The following FRAS1 variants were observed in gnomAD, a reference collection of about 807,000 sequenced individuals.
The protein encoded by FRAS1 is extracellular matrix organizing protein FRAS1.
FRAS1 carries 290 observed loss-of-function variants against 435.2 expected under a neutral mutation model. The observed-to-expected ratio is 0.67, with a 90% CI of 0.61 to 0.73. The LOEUF is 0.73. Ranked by LOEUF, FRAS1 falls within the 30% of genes least tolerant of loss-of-function variation. The pLI is 0.00. For missense variants in FRAS1, 4,860 were observed against 5,001.5 expected (o/e 0.97, Z 0.85); for synonymous variants, 1,800 against 1,851.0 (o/e 0.97, Z 0.71).
intron 2 of FRAS1, among the ~76,000 whole-genome samples, chr4:78,153,780 C>A (rs1184460981): frequency 6.6e-6 from 1 of 152,132 alleles, no homozygotes; most frequent in Non-Finnish European, 1.5e-5. Context: ...GCAGATTTTT[C>A]AGTGTTTCTT....
Position 78,534,628 on chromosome 4 carries a change from CTCCACCTGCA to C in FRAS1, c.11092+14_11092+23del. On this transcript the variant is annotated intron_variant, in intron 71 of 73. Coordinates refer to ENST00000512123, the MANE Select transcript of FRAS1 (RefSeq NM_025074.7). ...GCCTTTTCAAAAGGTGAGTTGCTTC[CTCCACCTGCA>C]GAAAGAGGCTCTGCCTGGATATGAG... 1 of 1,610,516 alleles carries C rather than the reference CTCCACCTGCA, an allele frequency of 6.2e-7. No homozygotes were observed. The highest frequency in any genetic ancestry group is 8.5e-7 in the Non-Finnish European group (1 of 1,177,808).
chr4:78,211,196 G>A (rs1367387914), intron 2 of FRAS1, among the ~76,000 whole-genome samples: 3 of 152,190 alleles, frequency 2.0e-5, no homozygotes, highest in Admixed American at 6.5e-5. Context: ...AGGACATGAA[G>A]GAAACTTCTG....
intron 40 of FRAS1, 91 bp from the exon 41 acceptor site, chr4:78,441,070 AG>A: frequency 7.7e-7 from 1 of 1,290,550 alleles, no homozygotes; most frequent in Non-Finnish European, 1.1e-6. Flanking sequence ...TGGTGCTAGA[AG>A]GTCACCCAGG....
chr4:78,424,840 G>A (rs184487640), intron 35 of FRAS1, among the ~76,000 whole-genome samples: 1 of 152,022 alleles, frequency 6.6e-6, no homozygotes, highest in Non-Finnish European at 1.5e-5. Context: ...CTACTCAGGA[G>A]GATCCCTTGA....
Position 78,511,409 on chromosome 4 carries a change from A to G in FRAS1, c.9916A>G (p.Thr3306Ala). Residue 3306 changes from threonine to alanine, a missense_variant, in exon 64 of 74, where the codon ACA becomes GCA. Coordinates refer to ENST00000512123, the MANE Select transcript of FRAS1 (RefSeq NM_025074.7). ...TGGAACAGACAGTGCTATCTGCCAC[A>G]CACCAGTGGTGGCTGGGACATCCAG... is the stretch of plus-strand genomic sequence containing the variant. ...TIGTDSAICH[T>A]PVVAGTSRGF... The G allele has an allele frequency of 6.2e-7, 1 of 1,613,924 alleles. No individual in the cohort carries two copies. Among genetic ancestry groups the G allele is most frequent in the Non-Finnish European group, 8.5e-7 (1 of 1,179,806 alleles).
At chr4:78,199,727 G>T (rs368408954) in intron 2 of FRAS1, among the ~76,000 whole-genome samples, 18 of 152,182 alleles carry the variant, frequency 1.2e-4, no homozygotes, top group African/African-American at 4.3e-4. Context: ...TGCTAACATT[G>T]ATTTGATTAA....
intron 18 of FRAS1, among the ~76,000 whole-genome samples, chr4:78,322,431 A>T (rs565565141): frequency 6.6e-6 from 1 of 152,266 alleles, no homozygotes; most frequent in East Asian, 1.9e-4. Context: ...GGTTTCTTTT[A>T]TAGCACCTTT....
At chr4:78,433,731 A>G (rs1015692696) in intron 38 of FRAS1, among the ~76,000 whole-genome samples, 1 of 152,130 alleles carries the variant, frequency 6.6e-6, no homozygotes, top group Non-Finnish European at 1.5e-5. Flanking sequence ...GGTTTTTTGA[A>G]TCTTATGAAA....
intron 34 of FRAS1, among the ~76,000 whole-genome samples, 163 bp from the exon 35 acceptor site, chr4:78,424,225 A>T (rs1018886431): frequency 1.3e-5 from 2 of 152,258 alleles, no homozygotes; most frequent in South Asian, 4.1e-4. Flanking sequence ...CATTAAATTC[A>T]ACATAACATT....
chr4:78,430,389 A>G lies in FRAS1; in HGVS notation c.4941A>G (p.Thr1647=). Residue 1647 remains threonine, a synonymous_variant, in exon 37 of 74, where the codon ACA becomes ACG. Coordinates refer to ENST00000512123, the MANE Select transcript of FRAS1 (RefSeq NM_025074.7). Reference sequence around the variant, plus strand: ...AGCATGGTGTGCTTCTTAAGCATACAGCTGAGTTCCGAAGGCCGATGGCCA... The same window carrying G: ...AGCATGGTGTGCTTCTTAAGCATACGGCTGAGTTCCGAAGGCCGATGGCCA... ...PPQHGVLLKH[T]AEFRRPMATG... 6.2e-7 allele frequency: 1 copy of G among 1,613,640 alleles called. No homozygotes were observed. Among genetic ancestry groups the G allele is most frequent in the Non-Finnish European group, 8.5e-7 (1 of 1,179,724 alleles).
In FRAS1 at chr4:78,479,601, G is replaced by A. The variant is rs886729536; in HGVS notation, c.8326G>A (p.Ala2776Thr). Residue 2776 changes from alanine (A) to threonine (T), a missense_variant, in exon 56 of 74, where the codon GCC becomes ACC. Coordinates refer to ENST00000512123, the MANE Select transcript of FRAS1 (RefSeq NM_025074.7). ...AGAGTTTGAGATTGCCTTGGCAGATGCCTCTGACAATGCCCGCATTGGAAG... is the reference window on the plus strand; with the variant it reads ...AGAGTTTGAGATTGCCTTGGCAGATACCTCTGACAATGCCCGCATTGGAAG... ...EEEFEIALAD[A>T]SDNARIGRVA... is the part of the protein sequence containing the mutation. The A allele has an allele frequency of 3.7e-6, 6 of 1,613,956 alleles. No homozygotes were observed. Among genetic ancestry groups the A allele is most frequent in the Admixed American group, 1.7e-5 (1 of 60,028 alleles).
chr4:78,146,322 T>A (rs1264873948), intron 2 of FRAS1, among the ~76,000 whole-genome samples: 1 of 152,194 alleles, frequency 6.6e-6, no homozygotes, highest in Non-Finnish European at 1.5e-5. Flanking sequence ...TGCTTACTTA[T>A]ACTGCTATTT....
chr4:78,200,903 G>GTA (rs56681096), intron 2 of FRAS1, among the ~76,000 whole-genome samples: 33,388 of 142,298 alleles, frequency 0.23, 3,922 homozygotes, highest in East Asian at 0.29. Flanking sequence ...ATATAAATAC[G>GTA]TATATATATA....
intron 2 of FRAS1, among the ~76,000 whole-genome samples, chr4:78,096,333 C>A (rs1275129261): frequency 6.6e-6 from 1 of 152,192 alleles, no homozygotes; most frequent in East Asian, 1.9e-4. Context: ...GCTTTTCAGG[C>A]AAATGGTGCA....
intron 2 of FRAS1, among the ~76,000 whole-genome samples, chr4:78,165,557 C>T (rs1487240537): frequency 8.5e-5 from 13 of 152,088 alleles, no homozygotes; most frequent in Non-Finnish European, 1.5e-4. Context: ...TTCGTGTAAC[C>T]GACCACCCCC....
intron 61 of FRAS1, 102 bp from the exon 62 acceptor site, chr4:78,507,317 AAG>A: frequency 9.9e-7 from 1 of 1,015,040 alleles, no homozygotes. Context: ...ACTAAAAAGA[AAG>A]AACATATTTT....
intron 60 of FRAS1, among the ~76,000 whole-genome samples, chr4:78,498,620 G>A (rs1246387743): frequency 6.6e-6 from 1 of 152,040 alleles, no homozygotes; most frequent in Non-Finnish European, 1.5e-5. Context: ...TCTACAGTTA[G>A]GAAGATTTGA....
At chr4:78,113,954 G>T (rs1294144472) in intron 2 of FRAS1, among the ~76,000 whole-genome samples, 1 of 152,070 alleles carries the variant, frequency 6.6e-6, no homozygotes, top group African/African-American at 2.4e-5. Context: ...GGGTTTTTAT[G>T]GTTTTAGGTC....
At chr4:78,177,483 A>G (rs942835964) in intron 2 of FRAS1, among the ~76,000 whole-genome samples, 12 of 152,284 alleles carry the variant, frequency 7.9e-5, no homozygotes, top group South Asian at 6.2e-4. Context: ...ACATTGGTCT[A>G]TGGTTAGCAT....
Sources: gnomAD v4.1 joint callset for allele counts (sites outside exome capture counted in the v4.1 genomes callset) on GRCh38, gnomAD v4.1.1 for gene constraint, MANE v1.5 for transcripts, NCBI Gene and HGNC (gene_info 2026-07-23, HGNC 2026-07-21) for gene names.